LYN: variants seen among roughly 807,000 people sequenced by gnomAD.
LYN encodes LYN proto-oncogene, Src family tyrosine kinase, also known as tyrosine-protein kinase Lyn.
Under a neutral mutation model 65.0 loss-of-function variants are expected in LYN, and 12 were observed. The ratio of observed to expected loss-of-function variants is 0.18; its 90% CI spans 0.12 to 0.30. The LOEUF (loss-of-function observed/expected upper bound fraction) is 0.30, where lower values mean the gene tolerates loss of function less well. LYN is among the 10% of genes least tolerant of loss of function. LYN has a pLI of 1.00. For synonymous variants in LYN, 222 were observed against 221.2 expected (o/e 1.00, Z -0.03); for missense variants, 380 against 623.2 (o/e 0.61, Z 4.16).
In LYN at chr8:55,924,308, G is replaced by A. The variant is rs73606857; in HGVS notation, c.-5-17547G>A. Among the ~76,000 whole-genome samples, 231 of 151,966 alleles carry A rather than the reference G, an allele frequency of 1.5e-3. 4 individuals are homozygous for A. The highest frequency in any genetic ancestry group is 5.3e-3 in the African/African-American group (221 of 41,430). On this transcript the variant is annotated intron_variant, in intron 1 of 12. Coordinates refer to ENST00000519728, the MANE Select transcript of LYN (RefSeq NM_002350.4). ...AGTTTGGGAATCATGGTACAGGCCT[G>A]TTCTATACCATCTGTTTTCCTTCTC...
rs199581140 is a variant in LYN at position 55,911,080 on chromosome 8, TAC to T, written c.-5-30773_-5-30772del. Among the ~76,000 whole-genome samples the T allele has an allele frequency of 4.6e-3, 66 of 14,300 alleles. 1 individual carries two copies. Among genetic ancestry groups the T allele is most frequent in the Middle Eastern group, 0.026 (1 of 38 alleles). 9.4% of individuals were successfully genotyped at this position (14,300 alleles called of 152,430 possible). A position where few individuals can be genotyped will look rare whatever the true frequency, so the allele number is the denominator to read the frequency against. On this transcript the variant is annotated intron_variant, in intron 1 of 12. Coordinates refer to ENST00000519728, the MANE Select transcript of LYN (RefSeq NM_002350.4). ...TCCGGCTAATTTATATATATATACA[TAC>T]ATATATATATATATATACATACACG...
chr8:55,921,904 A>G (rs957445634), intron 1 of LYN, among the ~76,000 whole-genome samples: 2 of 152,242 alleles, frequency 1.3e-5, no homozygotes, highest in African/African-American at 2.4e-5. Context: ...CAAGTGCCGA[A>G]CAATGTTTCT....
At chr8:55,890,113 T>C (rs1425281114) in intron 1 of LYN, among the ~76,000 whole-genome samples, 1 of 25,044 alleles carries the variant, frequency 4.0e-5, no homozygotes. Context: ...CCTGCCTCTA[T>C]AGACAAAAAA....
Position 56,013,862 on chromosome 8 carries a change from G to A in LYN, c.*3752G>A, listed in dbSNP as rs1281801042. 6.6e-6 allele frequency: 1 copy of A among 152,182 alleles called. No individual in the cohort carries two copies. Among genetic ancestry groups the A allele is most frequent in the Non-Finnish European group, 1.5e-5 (1 of 68,038 alleles). The allele number at this position is 152,182 out of a possible 1,614,324, so 9.4% of individuals were successfully genotyped here. ...ACTTCTGGCTGGTGGAAGAGAGATC[G>A]TAGTTCTCTATTCCCTACATTTTAA... On this transcript the variant is annotated 3_prime_UTR_variant, in exon 13 of 13. Coordinates refer to ENST00000519728, the MANE Select transcript of LYN (RefSeq NM_002350.4).
chr8:55,894,375 A>T (rs1585569018), intron 1 of LYN, among the ~76,000 whole-genome samples: 1 of 144,912 alleles, frequency 6.9e-6, no homozygotes, highest in South Asian at 2.2e-4. Flanking sequence ...AACTTTCTTA[A>T]TTTTTTTTTT....
At chr8:55,972,964 A>G (rs1807651295) in intron 10 of LYN, among the ~76,000 whole-genome samples, 1 of 152,212 alleles carries the variant, frequency 6.6e-6, no homozygotes, top group Non-Finnish European at 1.5e-5. Context: ...GAGTTGGGAA[A>G]TTGAATGTTC....
chr8:55,946,947 C>T (rs1008729025), intron 3 of LYN, among the ~76,000 whole-genome samples: 1 of 152,120 alleles, frequency 6.6e-6, no homozygotes, highest in Non-Finnish European at 1.5e-5. Context: ...AATAATATTT[C>T]CTTGTAAGTA....
At chr8:55,951,778 C>A (rs553529422) in intron 6 of LYN, among the ~76,000 whole-genome samples, 188 bp from the exon 7 acceptor site, 1 of 152,034 alleles carries the variant, frequency 6.6e-6, no homozygotes, top group East Asian at 1.9e-4. Context: ...AGCTACACAG[C>A]AAACAAAATG....
intron 8 of LYN, among the ~76,000 whole-genome samples, chr8:55,963,282 T>C (rs1294638103): frequency 6.6e-6 from 1 of 152,206 alleles, no homozygotes; most frequent in East Asian, 1.9e-4. Flanking sequence ...TTCTAAGTTA[T>C]TGCCAACTTA....
intron 12 of LYN, among the ~76,000 whole-genome samples, chr8:56,008,319 A>G (rs552544809): frequency 6.6e-6 from 1 of 152,320 alleles, no homozygotes; most frequent in South Asian, 2.1e-4. Context: ...CCACTTATTT[A>G]GAATCCTTCC....
In LYN at chr8:56,010,830, G is replaced by T. The variant is rs1808794794; in HGVS notation, c.*720G>T. 4.3e-6 allele frequency: 1 copy of T among 230,412 alleles called. No homozygotes were observed. The highest frequency in any genetic ancestry group is 5.7e-5 in the Admixed American group (1 of 17,686). The allele number at this position is 230,412 out of a possible 1,614,324, so 14.3% of individuals were successfully genotyped here. A position where few individuals can be genotyped will look rare whatever the true frequency, so the allele number is the denominator to read the frequency against. On this transcript the variant is annotated 3_prime_UTR_variant, in exon 13 of 13. Transcript: ENST00000519728. ...CTGTCTGCTCACCCGAAGGCACCGGGCTCACCTGGACCTCCCAGGAAAGGG... is the reference window on the plus strand; with the variant it reads ...CTGTCTGCTCACCCGAAGGCACCGGTCTCACCTGGACCTCCCAGGAAAGGG...
At chr8:55,946,110 G>A (rs1806767675) in intron 2 of LYN, among the ~76,000 whole-genome samples, 1 of 152,202 alleles carries the variant, frequency 6.6e-6, no homozygotes, top group Non-Finnish European at 1.5e-5. Context: ...AGAGAGTTTG[G>A]AAGCACACTC....
At chr8:55,996,114 C>CA (rs1255798686) in intron 10 of LYN, among the ~76,000 whole-genome samples, 1 of 152,152 alleles carries the variant, frequency 6.6e-6, no homozygotes, top group Non-Finnish European at 1.5e-5. Flanking sequence ...AGGTGTTTAT[C>CA]AACTGGCTAA....
intron 1 of LYN, among the ~76,000 whole-genome samples, chr8:55,904,909 A>AT (rs925359483): frequency 1.3e-5 from 2 of 151,796 alleles, no homozygotes; most frequent in Non-Finnish European, 2.9e-5. Flanking sequence ...GTGGCTAGTG[A>AT]TTCTCAACCC....
At chr8:55,895,168 C>A (rs1805059973) in intron 1 of LYN, among the ~76,000 whole-genome samples, 1 of 152,070 alleles carries the variant, frequency 6.6e-6, no homozygotes, top group Non-Finnish European at 1.5e-5. Flanking sequence ...TGCTTGGCAT[C>A]TCTGCGTTTT....
intron 1 of LYN, chr8:55,902,783 A>G (rs900129800): frequency 7.8e-6 from 4 of 513,740 alleles, no homozygotes; most frequent in Admixed American, 2.0e-5. Context: ...AGCATAACCT[A>G]TCTCAATTTA....
At position 55,893,395 on chromosome 8, in the gene LYN, A is replaced by G. The variant is rs571939385; in HGVS notation, c.-6+13292A>G. ...TATATGACACAGTGCCAGTCTGTGC[A>G]TAGGCATTTGAAAGTACTAACTGGG... On this transcript the variant is annotated intron_variant, in intron 1 of 12. Transcript: ENST00000519728. Among the ~76,000 whole-genome samples, 4 of 152,344 alleles carry G rather than the reference A, an allele frequency of 2.6e-5. No individual in the cohort carries two copies. In the East Asian group the frequency reaches 7.7e-4, roughly 29 times the overall value.
chr8:55,985,289 C>T (rs952125415), intron 10 of LYN, among the ~76,000 whole-genome samples: 2 of 152,210 alleles, frequency 1.3e-5, no homozygotes, highest in Admixed American at 6.5e-5. Context: ...TCCTCAGCTT[C>T]GGCCCTTGCA....
intron 1 of LYN, among the ~76,000 whole-genome samples, chr8:55,919,725 G>T (rs1805888326): frequency 6.6e-6 from 1 of 152,144 alleles, no homozygotes; most frequent in South Asian, 2.1e-4. Flanking sequence ...CTTCTCAGCG[G>T]GAGGCCAGCT....
Sources: allele counts gnomAD v4.1 joint callset (sites outside exome capture counted in the v4.1 genomes callset), GRCh38; gene constraint gnomAD v4.1.1; transcripts MANE v1.5; gene names NCBI Gene and HGNC (gene_info 2026-07-23, HGNC 2026-07-21).